Variants in YKT6 observed in about 807,000 individuals in gnomAD.
YKT6 encodes the protein synaptobrevin homolog YKT6.
In YKT6, 12 loss-of-function variants were observed where a neutral mutation model predicts 29.3. The ratio of observed to expected loss-of-function variants is 0.41; its 90% CI spans 0.26 to 0.66. The LOEUF is 0.66. Among genes scored for constraint, YKT6 ranks in the 30% least tolerant of loss-of-function variants. The probability of loss-of-function intolerance (pLI) is 0.32; values close to 1 mark genes in which losing one functional copy is unlikely to be tolerated. For synonymous variants in YKT6, 86 were observed against 94.3 expected, an observed-to-expected ratio of 0.91 and a Z score of 0.51; for missense variants, 188 against 243.8, an observed-to-expected ratio of 0.77 and a Z score of 1.52.
At position 44,212,827 on chromosome 7, in the gene YKT6, G is replaced by A. The variant is rs1381699546; in HGVS notation, c.*545G>A. On this transcript the variant is annotated 3_prime_UTR_variant, in exon 7 of 7. Transcript: ENST00000223369. ...CCCCCACTTCAGGCCCAAGGCCTGG[G>A]GCGGGGGGAACAGTCACTGGGTCTC... 1 of 152,528 alleles carries A rather than the reference G, an allele frequency of 6.6e-6. No homozygotes were observed. Among genetic ancestry groups the A allele is most frequent in the East Asian group, 1.9e-4 (1 of 5,200 alleles). The allele number at this position is 152,528 out of a possible 1,614,324, so 9.4% of individuals were successfully genotyped here.
In YKT6 at chr7:44,208,145, G is replaced by A. The variant is rs761553542; in HGVS notation, c.406G>A (p.Ala136Thr). The A allele has an allele frequency of 1.9e-6, 3 of 1,614,080 alleles. No individual in the cohort carries two copies. Among genetic ancestry groups the A allele is most frequent in the Non-Finnish European group, 2.5e-6 (3 of 1,180,000 alleles). Residue 136 changes from alanine (A) to threonine (T), a missense_variant, in exon 5 of 7, where the codon GCT becomes ACT. Ala to Thr is a moderately conservative substitution (Grantham distance 58). This residue lies in a region of YKT6 where 100 missense variants were observed against 136.3 expected (regional missense o/e 0.73). Transcript: ENST00000223369. ...HLSRYQNPRE[A>T]DPMTKVQAEL... The stretch of plus-strand genomic sequence containing the variant: ...CACTCTTTCCTAGAACCCACGAGAA[G>A]CTGATCCCATGACTAAAGTGCAGGC...
rs2096346132 is a variant in YKT6 at position 44,210,937 on chromosome 7, G to A, written c.460-86G>A. On this transcript the variant is annotated intron_variant, in intron 5 of 6. Coordinates refer to ENST00000223369, the MANE Select transcript of YKT6 (RefSeq NM_006555.4). The stretch of plus-strand genomic sequence containing the variant: ...TGTGTTGGAGAGGAACCCAGGTAAG[G>A]CACTTTCCCCCATGACTGAAATATG... 7.1e-6 allele frequency: 10 copies of A among 1,415,702 alleles called. No homozygotes were observed. The East Asian group carries it at 2.3e-4, about 33-fold the overall frequency. The allele number at this position is 1,415,702 out of a possible 1,614,324, so 87.7% of individuals were successfully genotyped here.
At chr7:44,206,210 C>G (rs2096340655) in intron 2 of YKT6, among the ~76,000 whole-genome samples, 175 bp from the exon 3 acceptor site, 1 of 152,216 alleles carries the variant, frequency 6.6e-6, no homozygotes, top group Non-Finnish European at 1.5e-5. Flanking sequence ...GGCCAAGCTC[C>G]TGTGTGTGGC....
intron 1 of YKT6, 51 bp downstream of exon 1, chr7:44,201,290 G>C (rs1037429360): frequency 1.3e-6 from 2 of 1,555,508 alleles, no homozygotes; most frequent in Admixed American, 1.8e-5. Context: ...GAGGACTGGG[G>C]TGGGGGTCCG....
At chr7:44,203,766 C>T (rs970901767) in intron 1 of YKT6, among the ~76,000 whole-genome samples, 1 of 152,162 alleles carries the variant, frequency 6.6e-6, no homozygotes, top group Non-Finnish European at 1.5e-5. Flanking sequence ...AGAGTCAGGC[C>T]TTCAGTTACC....
Position 44,208,114 on chromosome 7 carries a change from AT to A in YKT6, c.394-14del. Reference sequence around the variant, plus strand: ...TAGCCACTCCAGTCCTGACTTTATTATTTTTCACTCTTTCCTAGAACCCACG... The same window carrying A: ...TAGCCACTCCAGTCCTGACTTTATTATTTTCACTCTTTCCTAGAACCCACG... On this transcript the variant is annotated intron_variant, in intron 4 of 6. Transcript: ENST00000223369. 6.2e-7 allele frequency: 1 copy of A among 1,613,238 alleles called. No homozygotes were observed. Among genetic ancestry groups the A allele is most frequent in the Non-Finnish European group, 8.5e-7 (1 of 1,179,584 alleles).
intron 2 of YKT6, among the ~76,000 whole-genome samples, chr7:44,206,069 A>G (rs955610239): frequency 2.6e-5 from 4 of 152,202 alleles, no homozygotes; most frequent in Non-Finnish European, 4.4e-5. Flanking sequence ...CCCGAGCTTA[A>G]GGAATACACT....
At chr7:44,210,137 G>T (rs57232219) in intron 5 of YKT6, among the ~76,000 whole-genome samples, 1,724 of 152,158 alleles carry the variant, frequency 0.011, 29 homozygotes, top group African/African-American at 0.04. Context: ...CTGAAATCTG[G>T]TGTGTCTGTA....
At chr7:44,208,347 C>G in intron 5 of YKT6, 149 bp downstream of exon 5, 2 of 782,528 alleles carry the variant, frequency 2.6e-6, no homozygotes, top group Non-Finnish European at 4.2e-6. Flanking sequence ...TCCCCCACCC[C>G]GGGCATCAGA....
chr7:44,210,989 A>T (rs977125298), intron 5 of YKT6, 34 bp from the exon 6 acceptor site: 2 of 1,611,352 alleles, frequency 1.2e-6, no homozygotes, highest in African/African-American at 1.3e-5. Flanking sequence ...GCACGTACTG[A>T]ACAGAGCTGG....
chr7:44,202,181 A>G (rs1345394194), intron 1 of YKT6, among the ~76,000 whole-genome samples: 1 of 151,880 alleles, frequency 6.6e-6, no homozygotes, highest in Non-Finnish European at 1.5e-5. Context: ...CTGGTTCTTG[A>G]TGAGAGTTCT....
chr7:44,202,757 C>G (rs770103220), intron 1 of YKT6, among the ~76,000 whole-genome samples: 1 of 152,206 alleles, frequency 6.6e-6, no homozygotes, highest in Non-Finnish European at 1.5e-5. Flanking sequence ...CAAGACCCTG[C>G]TCGCATTTTT....
At chr7:44,204,293 A>T (rs544965193) in intron 1 of YKT6, among the ~76,000 whole-genome samples, 3 of 152,338 alleles carry the variant, frequency 2.0e-5, no homozygotes, top group African/African-American at 7.2e-5. Flanking sequence ...ATTCACCAAA[A>T]TGTAAAATTG....
Position 44,211,046 on chromosome 7 carries a change from A to G in YKT6, c.483A>G (p.Leu161=). 6.2e-7 allele frequency: 1 copy of G among 1,614,080 alleles called. No homozygotes were observed. Among genetic ancestry groups the G allele is most frequent in the South Asian group, 1.1e-5 (1 of 91,088 alleles). ...AGCACAACACCATGGAGTCTCTGTT[A>G]GAGCGAGGTGAGAAGCTAGATGACT... ...IILHNTMESL[L]ERGEKLDDLV... The change falls in exon 6 of 7, where the codon TTA becomes TTG. Residue 161 remains leucine, a synonymous_variant. Transcript: ENST00000223369.
chr7:44,211,166 G>A, intron 6 of YKT6, 42 bp downstream of exon 6: 1 of 1,574,696 alleles, frequency 6.4e-7, no homozygotes, highest in African/African-American at 1.3e-5. Context: ...GTTCTCTCTA[G>A]AGAGCAGTCG....
Position 44,212,342 on chromosome 7 carries a change from C to G in YKT6, c.*60C>G. Reference sequence around the variant, plus strand: ...CCATCATTCACATCAGAACTGCAGCCCCTGGAAAAGAAGAGACAGCCATAG... The same window carrying G: ...CCATCATTCACATCAGAACTGCAGCGCCTGGAAAAGAAGAGACAGCCATAG... On this transcript the variant is annotated 3_prime_UTR_variant, in exon 7 of 7. Coordinates refer to ENST00000223369, the MANE Select transcript of YKT6 (RefSeq NM_006555.4). 6.3e-7 allele frequency: 1 copy of G among 1,593,546 alleles called. No homozygotes were observed. The highest frequency in any genetic ancestry group is 1.3e-5 in the African/African-American group (1 of 74,698).
chr7:44,201,034 A>G lies in YKT6; in HGVS notation c.-102A>G. ...TGGCCCCGTCAGCAGCCGGCTGCTG[A>G]GAGGCCGGTAGGCGGCGGCGGTCCC... On this transcript the variant is annotated 5_prime_UTR_variant, in exon 1 of 7. Coordinates refer to ENST00000223369, the MANE Select transcript of YKT6 (RefSeq NM_006555.4). 1.1e-6 allele frequency: 1 copy of G among 932,602 alleles called. No homozygotes were observed. Among genetic ancestry groups the G allele is most frequent in the Non-Finnish European group, 1.5e-6 (1 of 657,628 alleles). The allele number at this position is 932,602 out of a possible 1,614,324, so 57.8% of individuals were successfully genotyped here.
rs2096348004 is a variant in YKT6, at chr7:44,212,564, T to C, written c.*282T>C. ...CTGGCTTCTGTAGATGCCAAAGGGCTCTTTTTCAGCTAACCCTGGGAAGGC... is the reference window on the plus strand; with the variant it reads ...CTGGCTTCTGTAGATGCCAAAGGGCCCTTTTTCAGCTAACCCTGGGAAGGC... On this transcript the variant is annotated 3_prime_UTR_variant, in exon 7 of 7. Transcript: ENST00000223369. 3 of 433,210 alleles carry C rather than the reference T, an allele frequency of 6.9e-6. No individual in the cohort carries two copies. The allele number at this position is 433,210 out of a possible 1,614,324, so 26.8% of individuals were successfully genotyped here.
intron 5 of YKT6, chr7:44,210,640 ACT>A: frequency 2.8e-6 from 1 of 357,368 alleles, no homozygotes; most frequent in Non-Finnish European, 5.5e-6. Context: ...GTGCCCAGCT[ACT>A]CTTTTTTCCA....
Sources: allele counts gnomAD v4.1 joint callset (sites outside exome capture counted in the v4.1 genomes callset), GRCh38; gene constraint gnomAD v4.1.1; regional missense constraint gnomAD v4.1.1; transcripts MANE v1.5; gene names NCBI Gene and HGNC (gene_info 2026-07-23, HGNC 2026-07-21).